MBP: variants seen among roughly 807,000 people sequenced by gnomAD.
The protein encoded by MBP is myelin basic protein, also known as Golli-MBP.
MBP carries 16 observed loss-of-function variants against 35.8 expected under a neutral mutation model. The observed-to-expected ratio is 0.45, with a 90% CI of 0.30 to 0.68. MBP has a LOEUF of 0.68. MBP is among the 30% of genes least tolerant of loss of function. MBP has a pLI of 0.08. For synonymous variants in MBP, 143 were observed against 159.6 expected (o/e 0.90, Z 0.78); for missense variants, 380 against 404.7 (o/e 0.94, Z 0.52).
intron 4 of MBP, chr18:77,014,816 T>C: frequency 1.0e-6 from 1 of 985,424 alleles, no homozygotes; most frequent in Non-Finnish European, 1.2e-6. Context: ...TATTATTTTT[T>C]GCCTTTGGCA....
chr18:77,081,819 T>TACAC (rs763116257), intron 2 of MBP, among the ~76,000 whole-genome samples: 994 of 76,074 alleles, frequency 0.013, 32 homozygotes, highest in African/African-American at 0.033. Context: ...CACACATATA[T>TACAC]ACACACACAC....
chr18:77,124,866 C>T (rs1332687840), intron 1 of MBP, among the ~76,000 whole-genome samples: 1 of 152,116 alleles, frequency 6.6e-6, no homozygotes, highest in Admixed American at 6.6e-5. Context: ...GGGCTGGATC[C>T]CCATACAAAT....
At chr18:77,103,953 T>C (rs981075176) in intron 2 of MBP, among the ~76,000 whole-genome samples, 5 of 152,274 alleles carry the variant, frequency 3.3e-5, no homozygotes, top group African/African-American at 4.8e-5. Context: ...ACAAAGAAGA[T>C]GAATTCTTAC....
intron 4 of MBP, among the ~76,000 whole-genome samples, chr18:76,998,073 C>A (rs1188486480): frequency 6.6e-6 from 1 of 152,240 alleles, no homozygotes; most frequent in Admixed American, 6.5e-5. Context: ...AATTCAGTGG[C>A]ACACATCACA....
rs536839874 is a variant in MBP, at chr18:77,020,286, T to G, written c.140-3018A>C. 6.6e-6 allele frequency among the ~76,000 whole-genome samples: 1 copy of G among 151,820 alleles called. No individual in the cohort carries two copies. The highest frequency in any genetic ancestry group is 2.1e-4 in the South Asian group (1 of 4,792). On this transcript the variant is annotated intron_variant, in intron 3 of 8. Transcript: ENST00000355994. This position sits in a 1 kb window ranked among gnomAD's most constrained non-coding sequence, Gnocchi z 4.1. Reference sequence around the variant, plus strand: ...GGGAGAGTGGCTGCAGGTGGCCTGGTTGGGGAAGGTGTAGACAGGGAACCA... The same window carrying G: ...GGGAGAGTGGCTGCAGGTGGCCTGGGTGGGGAAGGTGTAGACAGGGAACCA...
rs561658300 is a variant in MBP, at chr18:77,020,114, T to C, written c.140-2846A>G. On this transcript the variant is annotated intron_variant, in intron 3 of 8. Transcript: ENST00000355994. This position sits in a 1 kb window ranked among gnomAD's most constrained non-coding sequence, Gnocchi z 4.1. ...GGAGGGAAGATTCTAGTGGACGGCC[T>C]CTGTGGAGGGATATGATGGAGATGG... 2.4e-4 allele frequency among the ~76,000 whole-genome samples: 37 copies of C among 152,094 alleles called. No individual in the cohort carries two copies. The highest frequency in any genetic ancestry group is 9.8e-4 in the Admixed American group (15 of 15,290).
intron 1 of MBP, among the ~76,000 whole-genome samples, chr18:77,110,745 G>T (rs901675408): frequency 6.6e-6 from 1 of 152,046 alleles, no homozygotes; most frequent in Non-Finnish European, 1.5e-5. Context: ...AATTAGATAA[G>T]ATTTTTTTTT....
At position 77,112,256 on chromosome 18, in the gene MBP, G is replaced by A. The variant is rs557372518; in HGVS notation, c.-25-6970C>T. ...AGGACAAGGCGTGGGAAGAAGACGCGTTTGGTTTCACCCAGGCGGGTGGCG... is the reference window on the plus strand; with the variant it reads ...AGGACAAGGCGTGGGAAGAAGACGCATTTGGTTTCACCCAGGCGGGTGGCG... On this transcript the variant is annotated intron_variant, in intron 1 of 8. Transcript: ENST00000355994. 2.0e-5 allele frequency among the ~76,000 whole-genome samples: 3 copies of A among 152,266 alleles called. No individual in the cohort carries two copies. In the South Asian group the frequency reaches 6.2e-4, roughly 32 times the overall value.
At chr18:77,029,372 C>G (rs61476093) in intron 3 of MBP, among the ~76,000 whole-genome samples, 4 of 129,892 alleles carry the variant, frequency 3.1e-5, no homozygotes, top group Non-Finnish European at 5.1e-5. Context: ...TACAGTCCAG[C>G]TTCGGCTCGG....
intron 2 of MBP, among the ~76,000 whole-genome samples, chr18:77,079,566 A>T (rs746142016): frequency 2.0e-5 from 3 of 152,194 alleles, no homozygotes; most frequent in African/African-American, 7.2e-5. Context: ...GGTAAGCAGG[A>T]AGAAGAATAA....
chr18:77,029,239 GC>G (rs978592516), intron 3 of MBP, among the ~76,000 whole-genome samples: 12 of 140,762 alleles, frequency 8.5e-5, no homozygotes, highest in African/African-American at 2.6e-4. Context: ...CGAAACCCCG[GC>G]TCCACCAAAA....
At chr18:76,995,494 G>A (rs1237543756) in intron 4 of MBP, among the ~76,000 whole-genome samples, 1 of 152,202 alleles carries the variant, frequency 6.6e-6, no homozygotes, top group African/African-American at 2.4e-5. Context: ...CAGGCACCTA[G>A]ATTAATGGAC....
At chr18:77,041,479 C>A (rs1465433733) in intron 3 of MBP, among the ~76,000 whole-genome samples, 4 of 151,876 alleles carry the variant, frequency 2.6e-5, no homozygotes, top group African/African-American at 9.7e-5. Flanking sequence ...ACATGCACAC[C>A]TATGTTTATT....
At chr18:77,107,220 CAG>C (rs1326538968) in intron 1 of MBP, among the ~76,000 whole-genome samples, 1 of 152,190 alleles carries the variant, frequency 6.6e-6, no homozygotes, top group African/African-American at 2.4e-5. Context: ...CAGGCAAAAA[CAG>C]GTAACTTCCT....
intron 7 of MBP, chr18:76,987,081 C>G: frequency 1.0e-6 from 1 of 985,442 alleles, no homozygotes; most frequent in Non-Finnish European, 1.2e-6. Flanking sequence ...GGGAGAGATG[C>G]AGGGAGGAAT....
At chr18:77,055,182 C>G (rs1973672865) in intron 3 of MBP, among the ~76,000 whole-genome samples, 1 of 152,216 alleles carries the variant, frequency 6.6e-6, no homozygotes, top group Non-Finnish European at 1.5e-5. Context: ...GTAGAGAAAA[C>G]AGCAGGCGGC....
chr18:77,120,994 A>G (rs1432809319), intron 1 of MBP, among the ~76,000 whole-genome samples: 1 of 152,214 alleles, frequency 6.6e-6, no homozygotes, highest in Non-Finnish European at 1.5e-5. Flanking sequence ...TCCACATTTT[A>G]ATGTACCTCC....
chr18:77,132,400 C>A lies in MBP; in HGVS notation c.-26+180G>T, dbSNP rs1485132793. Among the ~76,000 whole-genome samples the A allele has an allele frequency of 2.0e-5, 3 of 152,160 alleles. No homozygotes were observed. The East Asian group carries it at 5.8e-4, about 29-fold the overall frequency. On this transcript the variant is annotated intron_variant, in intron 1 of 8. Transcript: ENST00000355994. ...CGCTGCCTAGGTTCTCCCTGCGCGT[C>A]CCCAGCCAAGAAAGGGACCCGGAGT...
rs753405658 is a variant in MBP at position 76,989,843 on chromosome 18, G to A, written c.681+113C>T. The A allele has an allele frequency of 1.1e-5, 10 of 887,176 alleles. No individual in the cohort carries two copies. The South Asian group carries it at 1.4e-4, about 12-fold the overall frequency. 55.0% of individuals were successfully genotyped at this position (887,176 alleles called of 1,614,324 possible). On this transcript the variant is annotated intron_variant, in intron 5 of 8. Coordinates refer to ENST00000355994, the MANE Select transcript of MBP (RefSeq NM_001025101.2). The surrounding 1 kb of genome is among the most constrained non-coding windows in gnomAD (Gnocchi z 4.0). ...GTTCCCCGGCCGGCCTCACCCTGAT[G>A]ATGACCCCGGTGCCACCCCCGAGCG...
Sources: allele counts gnomAD v4.1 joint callset (sites outside exome capture counted in the v4.1 genomes callset), GRCh38; gene constraint gnomAD v4.1.1; non-coding constraint Gnocchi (gnomAD v3.1); transcripts MANE v1.5; gene names NCBI Gene and HGNC (gene_info 2026-07-23, HGNC 2026-07-21).